COQ8B: variants seen among roughly 807,000 people sequenced by gnomAD.
The protein encoded by COQ8B is atypical kinase COQ8B, mitochondrial.
In COQ8B, 44 loss-of-function variants were observed where a neutral mutation model predicts 62.0. The ratio of observed to expected loss-of-function variants is 0.71; its 90% CI spans 0.56 to 0.91. The LOEUF (loss-of-function observed/expected upper bound fraction) is 0.91. COQ8B is among the 40% of genes least tolerant of loss of function. The pLI is 0.00. For missense variants in COQ8B, 649 were observed against 731.6 expected, an observed-to-expected ratio of 0.89 and a Z score of 1.30; for synonymous variants, 252 against 289.9, an observed-to-expected ratio of 0.87 and a Z score of 1.33.
At chr19:40,707,399 A>G (rs2082108843) in intron 5 of COQ8B, among the ~76,000 whole-genome samples, 3 of 151,428 alleles carry the variant, frequency 2.0e-5, no homozygotes, top group Admixed American at 1.3e-4. Flanking sequence ...TGTACATTTC[A>G]TATTAATGGA....
At chr19:40,704,117 C>T (rs2082082544) in intron 7 of COQ8B, 11 of 402,114 alleles carry the variant, frequency 2.7e-5, no homozygotes, top group South Asian at 4.6e-5. Flanking sequence ...GTGGGGATTG[C>T]TATTATTTAT....
At chr19:40,713,959 T>C in intron 4 of COQ8B, 108 bp downstream of exon 4, 1 of 1,208,196 alleles carries the variant, frequency 8.3e-7, no homozygotes, top group Non-Finnish European at 1.2e-6. Context: ...TCTCTTTTTT[T>C]GTCTCTCTCT....
chr19:40,709,326 T>C (rs1462699346), intron 5 of COQ8B, among the ~76,000 whole-genome samples: 3 of 152,208 alleles, frequency 2.0e-5, no homozygotes, highest in African/African-American at 7.2e-5. Flanking sequence ...AATGTCTCTT[T>C]CATCTGTTTT....
In COQ8B at chr19:40,696,129, C is replaced by CT. The variant is rs1180952055; in HGVS notation, c.1144-76dup. 4 of 1,504,714 alleles carry CT rather than the reference C, an allele frequency of 2.7e-6. No individual in the cohort carries two copies. In the African/African-American group the frequency reaches 4.1e-5, roughly 16 times the overall value. The allele number at this position is 1,504,714 out of a possible 1,614,324, so 93.2% of individuals were successfully genotyped here. A position where few individuals can be genotyped will look rare whatever the true frequency, so the allele number is the denominator to read the frequency against. ...CACTGTCTATTGGGGCAGCCAGGAT[C>CT]TGTCTCCCTCCCCATGACCCTGCCT... On this transcript the variant is annotated intron_variant, in intron 12 of 14. Transcript: ENST00000324464.
At chr19:40,697,851 T>TATAGAGAG (rs1446181673) in intron 12 of COQ8B, among the ~76,000 whole-genome samples, 12 of 54,724 alleles carry the variant, frequency 2.2e-4, no homozygotes, top group Admixed American at 4.0e-4. Context: ...TATATATATA[T>TATAGAGAG]AGAGAGAGAG....
chr19:40,715,471 T>C, intron 1 of COQ8B: 1 of 985,554 alleles, frequency 1.0e-6, no homozygotes, highest in African/African-American at 1.7e-5. Context: ...ACACAATTCC[T>C]TTGAATACAC....
chr19:40,715,170 T>A (rs1471206307), intron 1 of COQ8B: 1 of 985,926 alleles, frequency 1.0e-6, no homozygotes, highest in Non-Finnish European at 1.2e-6. Flanking sequence ...ACTCGCTGAC[T>A]GGCACGGAGT....
intron 5 of COQ8B, among the ~76,000 whole-genome samples, chr19:40,709,821 G>A (rs994343233): frequency 1.3e-5 from 2 of 151,876 alleles, no homozygotes; most frequent in Non-Finnish European, 2.9e-5. Flanking sequence ...CAGCCTGAGC[G>A]ACAGAGTGAG....
At position 40,700,336 on chromosome 19, in the gene COQ8B, C is replaced by T; in HGVS notation, c.1009G>A (p.Gly337Ser). 1.2e-6 allele frequency: 2 copies of T among 1,614,158 alleles called. No homozygotes were observed. The highest frequency in any genetic ancestry group is 1.7e-6 in the Non-Finnish European group (2 of 1,180,024). ...AGGVPLDQCQ[G>S]LSQDLRNQIC... is the part of the protein sequence containing the mutation. ...TGGTTCCGCAGGTCCTGGCTTAGGC[C>T]CTGGCACTGGTCCAGGGGGACCCCT... Residue 337 changes from glycine (G) to serine (S), a missense_variant, in exon 11 of 15, where the codon GGC becomes AGC. Physicochemically the swap from Gly to Ser is moderately conservative, Grantham distance 56. Coordinates refer to ENST00000324464, the MANE Select transcript of COQ8B (RefSeq NM_024876.4).
chr19:40,715,641 TC>T (rs2082179877), intron 1 of COQ8B: 4 of 973,386 alleles, frequency 4.1e-6, no homozygotes, highest in Non-Finnish European at 4.9e-6. Flanking sequence ...GTACATACCC[TC>T]CCCCCCACTT....
chr19:40,715,465 A>G, intron 1 of COQ8B: 1 of 985,342 alleles, frequency 1.0e-6, no homozygotes, highest in Non-Finnish European at 1.2e-6. Context: ...GGCTCAACAC[A>G]ATTCCTTTGA....
chr19:40,693,058 T>C (rs2081986589), intron 13 of COQ8B, 21 bp from the exon 14 acceptor site: 1 of 1,609,610 alleles, frequency 6.2e-7, no homozygotes, highest in Non-Finnish European at 8.5e-7. Flanking sequence ...GGGTGGGAGT[T>C]AGAGGGACAA....
At chr19:40,703,393 C>T (rs924740598) in intron 9 of COQ8B, 148 bp downstream of exon 9, 1 of 797,964 alleles carries the variant, frequency 1.3e-6, no homozygotes, top group Admixed American at 3.0e-5. Context: ...TGGGCTCTCC[C>T]CGCCTTGGTG....
intron 5 of COQ8B, among the ~76,000 whole-genome samples, chr19:40,705,826 AG>A (rs973282595): frequency 1.3e-5 from 2 of 150,976 alleles, no homozygotes; most frequent in African/African-American, 4.9e-5. Context: ...GCTACTCAGG[AG>A]GCTGAGGCAG....
At chr19:40,705,207 G>T in intron 6 of COQ8B, 26 bp from the exon 7 acceptor site, 1 of 1,611,346 alleles carries the variant, frequency 6.2e-7, no homozygotes, top group Non-Finnish European at 8.5e-7. Flanking sequence ...AACCAGGGGG[G>T]AAGTAAGCGA....
In COQ8B at chr19:40,692,281, G is replaced by C. The variant is rs757553048; in HGVS notation, c.1389C>G (p.Ala463=). The C allele has an allele frequency of 1.9e-6, 3 of 1,613,504 alleles. No individual in the cohort carries two copies. The South Asian group carries it at 3.3e-5, about 18-fold the overall frequency. The change falls in exon 15 of 15, where the codon GCC becomes GCG. Residue 463 remains alanine, a synonymous_variant. Transcript: ENST00000324464. ...GPYDFGSGET[A]RRIQDLIPVL... is the part of the protein sequence containing the mutation. ...CCGGGATGAGGTCCTGTATGCGGCGGGCCGTTTCCCCCGACCCAAAGTCAT... is the reference window on the plus strand; with the variant it reads ...CCGGGATGAGGTCCTGTATGCGGCGCGCCGTTTCCCCCGACCCAAAGTCAT...
intron 4 of COQ8B, among the ~76,000 whole-genome samples, chr19:40,713,697 C>CTCTGTCTCCTG (rs1456265969): frequency 3.0e-4 from 43 of 144,462 alleles, no homozygotes; most frequent in African/African-American, 1.2e-3. Flanking sequence ...GCCTGGGCAA[C>CTCTGTCTCCTG]AGAGCGAGAC....
chr19:40,702,541 C>T (rs1311754016), intron 10 of COQ8B, 59 bp downstream of exon 10: 5 of 1,545,412 alleles, frequency 3.2e-6, no homozygotes, highest in African/African-American at 1.4e-5. Context: ...GAGGGGGCAG[C>T]TACTTCCCAC....
chr19:40,703,544 C>T lies in COQ8B; in HGVS notation c.796G>A (p.Ala266Thr), dbSNP rs113863861. Residue 266 changes from alanine (A) to threonine (T), a missense_variant, in exon 9 of 15, where the codon GCG becomes ACG. Physicochemically the swap from Ala to Thr is moderately conservative, Grantham distance 58. Transcript: ENST00000324464. ...GAGGAGTGGGTGGGCGCCTCACCCG[C>T]GGGCAGGGCCGCGCTCATCTTGAGT... ...AVLKMSAALP[A>T]GLFAEQSLQA... 1.6e-4 allele frequency: 263 copies of T among 1,598,650 alleles called. 1 individual carries two copies. Among genetic ancestry groups the T allele is most frequent in the African/African-American group, 4.0e-4 (30 of 74,752 alleles).
Sources: allele counts gnomAD v4.1 joint callset (sites outside exome capture counted in the v4.1 genomes callset), GRCh38; gene constraint gnomAD v4.1.1; transcripts MANE v1.5; gene names NCBI Gene and HGNC (gene_info 2026-07-23, HGNC 2026-07-21).